DCDC1: variants seen among roughly 807,000 people sequenced by gnomAD.
DCDC1 encodes doublecortin domain containing 1.
In DCDC1, 200 loss-of-function variants were observed where a neutral mutation model predicts 178.3. That is an observed-to-expected ratio of 1.12 (90% CI 1.00 to 1.26). DCDC1 has a LOEUF of 1.26. Ranked by LOEUF, DCDC1 falls within the 50% of genes most tolerant of loss-of-function variation. The pLI is 0.00. For missense variants in DCDC1, 1,983 were observed against 1,749.2 expected, an observed-to-expected ratio of 1.13 and a Z score of -2.38; for synonymous variants, 690 against 604.8, an observed-to-expected ratio of 1.14 and a Z score of -2.07.
rs57930562 is a variant in DCDC1 at position 30,945,697 on chromosome 11, AATCTATCTATCTATCT to A, written c.2715+6732_2715+6747del. On this transcript the variant is annotated intron_variant, in intron 21 of 38. Transcript: ENST00000684477. ...AACAAGAGCAAAACTCCATCTCAAA[AATCTATCTATCTATCT>A]ATCTATCTATCTATCTATCTATCTA... Among the ~76,000 whole-genome samples the A allele has an allele frequency of 9.8e-3, 1,433 of 146,730 alleles. 60 individuals are homozygous for A. Among genetic ancestry groups the A allele is most frequent in the Admixed American group, 0.083 (1,218 of 14,758 alleles).
chr11:31,171,889 T>C (rs1451990639), intron 9 of DCDC1, among the ~76,000 whole-genome samples: 1 of 152,204 alleles, frequency 6.6e-6, no homozygotes, highest in African/African-American at 2.4e-5. Context: ...AAGGTAAGCT[T>C]ATAGACATTT....
chr11:30,883,497 T>C (rs1315870347), intron 36 of DCDC1: 1 of 461,158 alleles, frequency 2.2e-6, no homozygotes, highest in Non-Finnish European at 4.5e-6. Context: ...AAGATCCATG[T>C]CTTCAGATAA....
chr11:31,205,207 C>T (rs1342763170), intron 9 of DCDC1, among the ~76,000 whole-genome samples: 8 of 152,124 alleles, frequency 5.3e-5, no homozygotes, highest in Non-Finnish European at 1.0e-4. Context: ...CAGTCTGTTG[C>T]CTGTTTGTAT....
intron 9 of DCDC1, among the ~76,000 whole-genome samples, chr11:31,151,171 A>G (rs1454565532): frequency 6.6e-6 from 1 of 152,210 alleles, no homozygotes; most frequent in Non-Finnish European, 1.5e-5. Context: ...AGGCAAAGAA[A>G]ATTGAAAAAC....
At chr11:30,943,843 A>T in intron 21 of DCDC1, 1 of 301,378 alleles carries the variant, frequency 3.3e-6, no homozygotes, top group Non-Finnish European at 6.5e-6. Context: ...GACAGCATGA[A>T]ATCAGTTCTC....
rs1173576754 is a variant in DCDC1 at position 31,106,971 on chromosome 11, G to A, written c.1588-11C>T. ...AATCTTGAGAAGTAACTGGTTGGGGGTTAGAGGGGCAGAGGGGATAGAGGA... is the reference window on the plus strand; with the variant it reads ...AATCTTGAGAAGTAACTGGTTGGGGATTAGAGGGGCAGAGGGGATAGAGGA... On this transcript the variant is annotated splice_polypyrimidine_tract_variant and intron_variant, in intron 12 of 38. Transcript: ENST00000684477. 1 of 763,418 alleles carries A rather than the reference G, an allele frequency of 1.3e-6. No individual in the cohort carries two copies. Among genetic ancestry groups the A allele is most frequent in the Non-Finnish European group, 2.4e-6 (1 of 416,892 alleles). 47.3% of individuals were successfully genotyped at this position (763,418 alleles called of 1,614,324 possible).
chr11:31,243,127 AT>A (rs967574544), intron 8 of DCDC1, among the ~76,000 whole-genome samples: 2 of 150,064 alleles, frequency 1.3e-5, no homozygotes, highest in South Asian at 2.1e-4. Flanking sequence ...ACTTAAAAAA[AT>A]ATAAGATCAT....
rs1385945663 is a variant in DCDC1, at chr11:31,305,745, C to G, written c.624G>C (p.Leu208=). 2 of 1,613,534 alleles carry G rather than the reference C, an allele frequency of 1.2e-6. No homozygotes were observed. Among genetic ancestry groups the G allele is most frequent in the African/African-American group, 2.7e-5 (2 of 74,870 alleles). ...AGAACACTCGTCTTGCGGCCATGTT[C>G]AGATTCAGCTTTTCTGTGCACTCCT... is the stretch of plus-strand genomic sequence containing the variant. The part of the protein sequence containing the change: ...LLEECTEKLN[L]NMAARRVFLA... Residue 208 remains leucine, a synonymous_variant, in exon 6 of 39, where the codon CTG becomes CTC. Coordinates refer to ENST00000684477, the MANE Select transcript of DCDC1 (RefSeq NM_001387274.1).
intron 8 of DCDC1, among the ~76,000 whole-genome samples, chr11:31,247,028 A>G (rs2136945495): frequency 6.6e-6 from 1 of 152,180 alleles, no homozygotes; most frequent in African/African-American, 2.4e-5. Context: ...TGGGGTCTAC[A>G]GTGTTATAAT....
intron 9 of DCDC1, among the ~76,000 whole-genome samples, chr11:31,219,912 C>T (rs1387809504): frequency 6.6e-6 from 1 of 152,056 alleles, no homozygotes; most frequent in African/African-American, 2.4e-5. Flanking sequence ...AGTTAACTTG[C>T]CTAAGACCTC....
chr11:30,915,370 A>G (rs1187091474), intron 27 of DCDC1, 141 bp downstream of exon 27: 12 of 818,892 alleles, frequency 1.5e-5, no homozygotes, highest in Non-Finnish European at 1.7e-5. Context: ...TTCTTTGGCT[A>G]GGATAAAGAA....
At chr11:31,274,220 A>G (rs112224507) in intron 7 of DCDC1, among the ~76,000 whole-genome samples, 4 of 152,322 alleles carry the variant, frequency 2.6e-5, no homozygotes, top group East Asian at 1.9e-4. Flanking sequence ...TCTTAAGGCA[A>G]TCTAAATGGT....
chr11:31,275,915 C>T (rs780678223), intron 7 of DCDC1, among the ~76,000 whole-genome samples: 1 of 152,232 alleles, frequency 6.6e-6, no homozygotes, highest in Non-Finnish European at 1.5e-5. Context: ...AAAGGCTAAT[C>T]ATTCATAGAG....
At chr11:31,119,056 G>A (rs1356398347) in intron 11 of DCDC1, among the ~76,000 whole-genome samples, 2 of 152,134 alleles carry the variant, frequency 1.3e-5, no homozygotes, top group Admixed American at 6.6e-5. Context: ...ATGAGGACAG[G>A]AGGAAGAAAA....
At chr11:31,349,200 G>T (rs1250504770) in intron 1 of DCDC1, among the ~76,000 whole-genome samples, 1 of 152,106 alleles carries the variant, frequency 6.6e-6, no homozygotes, top group Non-Finnish European at 1.5e-5. Context: ...CTTATTCTAT[G>T]CTACCAGACT....
At chr11:31,266,830 A>C (rs776432285) in intron 7 of DCDC1, among the ~76,000 whole-genome samples, 1 of 152,216 alleles carries the variant, frequency 6.6e-6, no homozygotes, top group Non-Finnish European at 1.5e-5. Context: ...GCAAAGTTGC[A>C]CTTTCCTTTC....
chr11:31,131,545 A>G (rs189971243), intron 10 of DCDC1, among the ~76,000 whole-genome samples: 17 of 152,350 alleles, frequency 1.1e-4, no homozygotes, highest in African/African-American at 3.8e-4. Flanking sequence ...TCCTTAAAAA[A>G]CAATGGATAA....
Position 31,180,820 on chromosome 11 carries a change from T to G in DCDC1, c.1222-43036A>C, listed in dbSNP as rs545562241. Among the ~76,000 whole-genome samples the G allele has an allele frequency of 3.7e-4, 56 of 152,014 alleles. No homozygotes were observed. In the East Asian group the frequency reaches 0.01, roughly 27 times the overall value. On this transcript the variant is annotated intron_variant, in intron 9 of 38. Coordinates refer to ENST00000684477, the MANE Select transcript of DCDC1 (RefSeq NM_001387274.1). ...TAGCTGCAGGAGTTTTTTTGTTGTT[T>G]TTTTTTTCATACCCCAGTGGCAATT...
At chr11:31,296,097 C>A (rs1947665962) in intron 6 of DCDC1, among the ~76,000 whole-genome samples, 1 of 152,036 alleles carries the variant, frequency 6.6e-6, no homozygotes, top group African/African-American at 2.4e-5. Context: ...AGTCAGCCAG[C>A]CAGCCAGCCA....
Sources: gnomAD v4.1 joint callset for allele counts (sites outside exome capture counted in the v4.1 genomes callset) on GRCh38, gnomAD v4.1.1 for gene constraint, MANE v1.5 for transcripts, NCBI Gene and HGNC (gene_info 2026-07-23, HGNC 2026-07-21) for gene names.